The following HMOX1 variants were observed in gnomAD, a reference collection of about 807,000 sequenced individuals.
The protein encoded by HMOX1 is heat shock protein, 32-kD.
Under a neutral mutation model 27.8 loss-of-function variants are expected in HMOX1, and 22 were observed. The ratio of observed to expected loss-of-function variants is 0.79; its 90% CI spans 0.57 to 1.13. HMOX1 has a LOEUF of 1.13. Ranked by LOEUF, HMOX1 falls within the 50% of genes most tolerant of loss-of-function variation. HMOX1 has a pLI of 0.00. For synonymous variants in HMOX1, 153 were observed against 151.6 expected, an observed-to-expected ratio of 1.01 and a Z score of -0.07; for missense variants, 379 against 377.7, an observed-to-expected ratio of 1.00 and a Z score of -0.03.
chr22:35,389,290 T>TCTC (rs1491434821), intron 3 of HMOX1, among the ~76,000 whole-genome samples: 9 of 60,614 alleles, frequency 1.5e-4, no homozygotes, highest in African/African-American at 7.8e-4. Context: ...TCTCTCTCTC[T>TCTC]TCTTTCTTCT....
intron 2 of HMOX1, 85 bp downstream of exon 2, chr22:35,383,311 G>T: frequency 6.9e-7 from 1 of 1,458,792 alleles, no homozygotes; most frequent in East Asian, 2.4e-5. Context: ...TTTAAGTGGG[G>T]ATGCTGAGGG....
chr22:35,391,585 C>CATTTTTTTT lies in HMOX1; in HGVS notation c.736+1622_736+1623insATTTTTTTT, dbSNP rs372077518. ...TACAGGTGTGAGCCACCGCGCCCGG[C>CATTTTTTTT]CTTTTTTTTTTTTTTTTTTTTTTTT... On this transcript the variant is annotated intron_variant, in intron 4 of 4. Coordinates refer to ENST00000216117, the MANE Select transcript of HMOX1 (RefSeq NM_002133.3). Among the ~76,000 whole-genome samples, 21 of 112,464 alleles carry CATTTTTTTT rather than the reference C, an allele frequency of 1.9e-4. 4 individuals are homozygous for CATTTTTTTT. Among genetic ancestry groups the CATTTTTTTT allele is most frequent in the Non-Finnish European group, 1.2e-4 (7 of 59,240 alleles). 73.8% of individuals were successfully genotyped at this position (112,464 alleles called of 152,430 possible).
At position 35,389,387 on chromosome 22, in the gene HMOX1, CCTTCCTTCCTTTCTTT is replaced by C. The variant is rs1183678563; in HGVS notation, c.637-473_637-458del. On this transcript the variant is annotated intron_variant, in intron 3 of 4. Transcript: ENST00000216117. ...TCCTTCCTTCCTTCCTTCCTTCCTTCCTTCCTTCCTTTCTTTCTTTCTTTCTTTCTTTCTTTCTTTC... is the reference window on the plus strand; with the variant it reads ...TCCTTCCTTCCTTCCTTCCTTCCTTCCTTTCTTTCTTTCTTTCTTTCTTTC... Among the ~76,000 whole-genome samples the C allele has an allele frequency of 9.0e-4, 46 of 51,232 alleles. 2 individuals carry two copies. The highest frequency in any genetic ancestry group is 5.6e-3 in the South Asian group (8 of 1,426). The allele number at this position is 51,232 out of a possible 152,430, so 33.6% of individuals were successfully genotyped here.
In HMOX1 at chr22:35,389,939, C is replaced by T. The variant is rs1273376177; in HGVS notation, c.712C>T (p.Gln238Ter). 6.2e-7 allele frequency: 1 copy of T among 1,611,516 alleles called. No homozygotes were observed. Among genetic ancestry groups the T allele is most frequent in the South Asian group, 1.1e-5 (1 of 90,680 alleles). The change falls in exon 4 of 5, where the codon CAG (glutamine) becomes TAG (stop). Residue 238 changes from glutamine to a stop codon, truncating the protein, a stop_gained. Coordinates refer to ENST00000216117, the MANE Select transcript of HMOX1 (RefSeq NM_002133.3). LOFTEE classifies it low-confidence loss of function (END_TRUNC). ...CCCCTCACGGGCACCAGGGCTTCGCCAGCGGGCCAGCAACAAAGTGCAAGG... is the reference window on the plus strand; with the variant it reads ...CCCCTCACGGGCACCAGGGCTTCGCTAGCGGGCCAGCAACAAAGTGCAAGG... ...QSPSRAPGLR[Q>*]RASNKVQDSA...
intron 4 of HMOX1, chr22:35,390,189 A>G (rs2269533): frequency 0.46 from 262,555 of 568,774 alleles, 62,710 homozygotes; most frequent in African/African-American, 0.66. Context: ...GCCTCCCCAC[A>G]TGCTGCAGTT....
intron 3 of HMOX1, among the ~76,000 whole-genome samples, chr22:35,389,453 C>CTTTCTTTCT (rs769260270): frequency 1.6e-5 from 2 of 123,326 alleles, no homozygotes; most frequent in Non-Finnish European, 3.3e-5. Context: ...TCTTTCTTTT[C>CTTTCTTTCT]TTTCTTTCTT....
At chr22:35,386,337 C>CT (rs958613443) in intron 2 of HMOX1, among the ~76,000 whole-genome samples, 18 of 152,116 alleles carry the variant, frequency 1.2e-4, no homozygotes, top group Admixed American at 9.8e-4. Context: ...AGACTCCTGG[C>CT]TTTAAGCAAT....
chr22:35,389,102 G>C (rs568917529), intron 3 of HMOX1, among the ~76,000 whole-genome samples: 25 of 152,262 alleles, frequency 1.6e-4, no homozygotes, highest in African/African-American at 5.8e-4. Context: ...CAGGATCATT[G>C]TTATCGGTTG....
At chr22:35,387,281 G>C in intron 3 of HMOX1, 105 bp downstream of exon 3, 1 of 1,378,194 alleles carries the variant, frequency 7.3e-7, no homozygotes, top group Non-Finnish European at 1.0e-6. Context: ...TTAACACAGG[G>C]AACCAGAGTT....
chr22:35,383,220 C>T lies in HMOX1; in HGVS notation c.138C>T (p.Gly46=). The change falls in exon 2 of 5, where the codon GGC becomes GGT. Residue 46 remains glycine, a synonymous_variant. Coordinates refer to ENST00000216117, the MANE Select transcript of HMOX1 (RefSeq NM_002133.3). ...AGAAGGGCCAGGTGACCCGAGACGG[C>T]TTCAAGGTATGTGGCTTGGTGGGAC... is the stretch of plus-strand genomic sequence containing the variant. ...NFQKGQVTRD[G]FKLVMASLYH... 6.2e-7 allele frequency: 1 copy of T among 1,613,558 alleles called. No homozygotes were observed. The highest frequency in any genetic ancestry group is 1.1e-5 in the South Asian group (1 of 91,064).
chr22:35,382,749 A>G (rs1169278690), intron 1 of HMOX1, among the ~76,000 whole-genome samples: 1 of 149,980 alleles, frequency 6.7e-6, no homozygotes, highest in Admixed American at 6.7e-5. Context: ...GCTCACTGCA[A>G]CCTCTGCCTC....
At chr22:35,390,390 A>ATT in intron 4 of HMOX1, 4 of 262,390 alleles carry the variant, frequency 1.5e-5, no homozygotes, top group East Asian at 1.0e-4. Flanking sequence ...TGCCTGGCTA[A>ATT]TTTTTTTTTT....
rs1341503063 is a variant in HMOX1 at position 35,389,445 on chromosome 22, TTTCTTTTCTTTC to T, written c.637-416_637-405del. 4.6e-4 allele frequency among the ~76,000 whole-genome samples: 57 copies of T among 122,756 alleles called. 12 individuals are homozygous for T. The highest frequency in any genetic ancestry group is 2.3e-3 in the African/African-American group (53 of 23,530). 80.5% of individuals were successfully genotyped at this position (122,756 alleles called of 152,430 possible). A position where few individuals can be genotyped will look rare whatever the true frequency, so the allele number is the denominator to read the frequency against. On this transcript the variant is annotated intron_variant, in intron 3 of 4. Transcript: ENST00000216117. ...CTTTCTTTCTATCTTTCTTTCTTTCTTTCTTTTCTTTCTTTCTTGCAGAGTCTCGCCCTGTCA... is the reference window on the plus strand; with the variant it reads ...CTTTCTTTCTATCTTTCTTTCTTTCTTTTCTTGCAGAGTCTCGCCCTGTCA...
Position 35,394,051 on chromosome 22 carries a change from C to T in HMOX1, c.*453C>T, listed in dbSNP as rs771027320. Reference sequence around the variant, plus strand: ...TGTTGGAGCCACTCTGTTCCTGGCTCAGCCTCAAATGCAGTATTTTTGTTG... The same window carrying T: ...TGTTGGAGCCACTCTGTTCCTGGCTTAGCCTCAAATGCAGTATTTTTGTTG... On this transcript the variant is annotated 3_prime_UTR_variant, in exon 5 of 5. Coordinates refer to ENST00000216117, the MANE Select transcript of HMOX1 (RefSeq NM_002133.3). The T allele has an allele frequency of 3.5e-6, 1 of 282,260 alleles. No homozygotes were observed. The highest frequency in any genetic ancestry group is 3.8e-5 in the South Asian group (1 of 26,424). 17.5% of individuals were successfully genotyped at this position (282,260 alleles called of 1,614,324 possible). A position where few individuals can be genotyped will look rare whatever the true frequency, so the allele number is the denominator to read the frequency against.
intron 4 of HMOX1, among the ~76,000 whole-genome samples, chr22:35,390,861 C>T (rs945426935): frequency 6.6e-6 from 1 of 152,184 alleles, no homozygotes; most frequent in African/African-American, 2.4e-5. Context: ...GCCCCTCCCT[C>T]ATGTGCCTAA....
chr22:35,391,056 G>A (rs1338734877), intron 4 of HMOX1, among the ~76,000 whole-genome samples: 1 of 152,116 alleles, frequency 6.6e-6, no homozygotes. Context: ...CCCCTCCTGT[G>A]CCACCCTAAC....
intron 4 of HMOX1, 22 bp from the exon 5 acceptor site, chr22:35,393,446 C>G: frequency 6.2e-7 from 1 of 1,614,100 alleles, no homozygotes; most frequent in Non-Finnish European, 8.5e-7. Flanking sequence ...TGTTAATGAC[C>G]TTGCCCCATT....
At chr22:35,381,766 G>A (rs1394465700) in intron 1 of HMOX1, among the ~76,000 whole-genome samples, 2 of 150,860 alleles carry the variant, frequency 1.3e-5, no homozygotes, top group Non-Finnish European at 3.0e-5. Flanking sequence ...TCAATAATTT[G>A]TTAGTATTTT....
intron 2 of HMOX1, among the ~76,000 whole-genome samples, chr22:35,384,184 C>G (rs1006001064): frequency 7.2e-5 from 11 of 152,030 alleles, no homozygotes; most frequent in Non-Finnish European, 2.9e-5. Flanking sequence ...TAAGTTCAAG[C>G]GATTCTCCTG....
Sources: allele counts gnomAD v4.1 joint callset (sites outside exome capture counted in the v4.1 genomes callset), GRCh38; gene constraint gnomAD v4.1.1; transcripts MANE v1.5; gene names NCBI Gene and HGNC (gene_info 2026-07-23, HGNC 2026-07-21).